CNTN4: variants seen among roughly 807,000 people sequenced by gnomAD.
CNTN4 encodes contactin 4.
In CNTN4, 77 loss-of-function variants were observed where a neutral mutation model predicts 122.5. The observed-to-expected ratio is 0.63, with a 90% confidence interval of 0.52 to 0.76. CNTN4 has a LOEUF of 0.76. Among genes scored for constraint, CNTN4 ranks in the 30% least tolerant of loss-of-function variants. The probability of loss-of-function intolerance (pLI) is 0.00; values close to 1 mark genes in which losing one functional copy is unlikely to be tolerated. For synonymous variants in CNTN4, 512 were observed against 447.0 expected (o/e 1.15, Z -1.83); for missense variants, 1,256 against 1,259.1 (o/e 1.00, Z 0.04).
chr3:2,108,627 G>T (rs1290604277), intron 2 of CNTN4, among the ~76,000 whole-genome samples: 1 of 152,150 alleles, frequency 6.6e-6, no homozygotes, highest in Non-Finnish European at 1.5e-5. Context: ...TGTACTAGTT[G>T]TGTGATTGTG....
intron 4 of CNTN4, among the ~76,000 whole-genome samples, chr3:2,729,090 C>T (rs1028134172): frequency 1.3e-5 from 2 of 152,272 alleles, no homozygotes; most frequent in Admixed American, 1.3e-4. Flanking sequence ...TTTGTTCTTT[C>T]CCAACAGAGT....
At chr3:2,236,684 A>G (rs976041002) in intron 2 of CNTN4, among the ~76,000 whole-genome samples, 1 of 152,236 alleles carries the variant, frequency 6.6e-6, no homozygotes, top group African/African-American at 2.4e-5. Context: ...TTAAAAAAGC[A>G]TGTCCTCAAA....
At chr3:3,022,503 A>C (rs1698389643) in intron 14 of CNTN4, among the ~76,000 whole-genome samples, 2 of 152,206 alleles carry the variant, frequency 1.3e-5, no homozygotes, top group South Asian at 4.1e-4. Flanking sequence ...GCTATAAATC[A>C]GAAAGTCTTT....
At chr3:2,767,376 C>G (rs539525034) in intron 6 of CNTN4, among the ~76,000 whole-genome samples, 2 of 152,184 alleles carry the variant, frequency 1.3e-5, no homozygotes, top group East Asian at 3.9e-4. Flanking sequence ...TGAGTAACAG[C>G]TCTCTCTCTC....
chr3:2,122,468 T>A (rs1323454348), intron 2 of CNTN4, among the ~76,000 whole-genome samples: 1 of 152,172 alleles, frequency 6.6e-6, no homozygotes, highest in African/African-American at 2.4e-5. Flanking sequence ...AGCTAACTCT[T>A]CCCTGCGAAG....
intron 4 of CNTN4, among the ~76,000 whole-genome samples, chr3:2,649,960 C>G (rs9878853): frequency 0.014 from 2,130 of 149,814 alleles, 51 homozygotes; most frequent in African/African-American, 0.049. Context: ...GAAACCCTGT[C>G]TACTAAAAAT....
intron 4 of CNTN4, among the ~76,000 whole-genome samples, chr3:2,584,939 A>G (rs35572789): frequency 6.6e-6 from 1 of 152,022 alleles, no homozygotes; most frequent in Non-Finnish European, 1.5e-5. Flanking sequence ...ATAGATAGAT[A>G]GATAGACAGA....
At chr3:2,559,980 C>T (rs1293858445) in intron 3 of CNTN4, among the ~76,000 whole-genome samples, 1 of 152,068 alleles carries the variant, frequency 6.6e-6, no homozygotes, top group Non-Finnish European at 1.5e-5. Context: ...GATGAATGTT[C>T]TAATAGTTAG....
chr3:2,706,010 A>T (rs949111853), intron 4 of CNTN4, among the ~76,000 whole-genome samples: 7 of 140,462 alleles, frequency 5.0e-5, no homozygotes, highest in African/African-American at 1.8e-4. Context: ...AAAAATAAAT[A>T]TATATAAATA....
chr3:2,902,808 T>TG (rs1380091115), intron 11 of CNTN4, 68 bp from the exon 12 acceptor site: 10 of 1,525,768 alleles, frequency 6.6e-6, no homozygotes, highest in Non-Finnish European at 5.4e-6. Flanking sequence ...ATATTACACA[T>TG]GGTAAAATTG....
intron 2 of CNTN4, among the ~76,000 whole-genome samples, chr3:2,213,342 G>C (rs1243954565): frequency 6.6e-6 from 1 of 152,082 alleles, no homozygotes; most frequent in Non-Finnish European, 1.5e-5. Context: ...CTGGAGCCTT[G>C]TCATAGGCTT....
intron 14 of CNTN4, among the ~76,000 whole-genome samples, chr3:2,993,416 G>A (rs1179913087): frequency 6.6e-6 from 1 of 151,282 alleles, no homozygotes; most frequent in Non-Finnish European, 1.5e-5. Flanking sequence ...TCCTGCCTCA[G>A]TCTCCCTAGT....
intron 2 of CNTN4, among the ~76,000 whole-genome samples, chr3:2,158,291 A>G (rs1331161703): frequency 2.6e-5 from 4 of 152,234 alleles, no homozygotes; most frequent in African/African-American, 7.2e-5. Context: ...AAAGTCTACC[A>G]TCCCTCATTA....
At chr3:2,295,364 G>T (rs1301213195) in intron 2 of CNTN4, among the ~76,000 whole-genome samples, 4 of 133,844 alleles carry the variant, frequency 3.0e-5, no homozygotes, top group Admixed American at 1.5e-4. Context: ...TTGAATGATC[G>T]CCATTGTAAC....
At chr3:2,847,588 C>G (rs1486428484) in intron 7 of CNTN4, among the ~76,000 whole-genome samples, 1 of 152,160 alleles carries the variant, frequency 6.6e-6, no homozygotes, top group Non-Finnish European at 1.5e-5. Flanking sequence ...AGGCACACGT[C>G]CTTCTTTACA....
intron 2 of CNTN4, among the ~76,000 whole-genome samples, chr3:2,106,902 A>T (rs764146627): frequency 6.6e-6 from 1 of 152,172 alleles, no homozygotes; most frequent in Non-Finnish European, 1.5e-5. Context: ...AGTTCCACAG[A>T]TCTCTAGGGC....
intron 4 of CNTN4, among the ~76,000 whole-genome samples, chr3:2,668,985 C>T (rs1056088423): frequency 4.6e-5 from 7 of 152,058 alleles, no homozygotes; most frequent in Non-Finnish European, 8.8e-5. Context: ...CTGCTGGATT[C>T]GGTTTGCCAG....
At chr3:2,948,353 T>G (rs1189480653) in intron 13 of CNTN4, among the ~76,000 whole-genome samples, 1 of 152,106 alleles carries the variant, frequency 6.6e-6, no homozygotes, top group Non-Finnish European at 1.5e-5. Flanking sequence ...TGATGCAAAG[T>G]GGAACAAATA....
chr3:2,295,993 T>C (rs550739976), intron 2 of CNTN4, among the ~76,000 whole-genome samples: 21 of 152,308 alleles, frequency 1.4e-4, no homozygotes, highest in South Asian at 4.1e-4. Flanking sequence ...GTTGTAGATA[T>C]GCAGCATTAT....
Sources: allele counts gnomAD v4.1 joint callset (sites outside exome capture counted in the v4.1 genomes callset), GRCh38; gene constraint gnomAD v4.1.1; transcripts MANE v1.5; gene names NCBI Gene and HGNC (gene_info 2026-07-23, HGNC 2026-07-21).